TCOF1: variants seen among roughly 807,000 people sequenced by gnomAD.
TCOF1 encodes treacle ribosome biogenesis factor 1, also known as treacle protein.
A neutral mutation model predicts 149.0 loss-of-function variants in TCOF1; 33 were observed. The observed-to-expected ratio is 0.22, with a 90% confidence interval of 0.17 to 0.30. TCOF1 has a LOEUF of 0.30. Ranked by LOEUF, TCOF1 falls within the 10% of genes least tolerant of loss-of-function variation. The pLI is 1.00. For missense variants in TCOF1, 1,728 were observed against 1,840.7 expected (o/e 0.94, Z 1.12); for synonymous variants, 789 against 738.8 (o/e 1.07, Z -1.10).
intron 21 of TCOF1, 103 bp from the exon 22 acceptor site, chr5:150,392,602 G>A: frequency 1.8e-6 from 2 of 1,110,160 alleles, no homozygotes; most frequent in Non-Finnish European, 2.7e-6. Flanking sequence ...AGGGGATGGG[G>A]GTGAGGGACC....
Position 150,370,547 on chromosome 5 carries a change from G to A in TCOF1, c.639+945G>A, listed in dbSNP as rs556088002. ...ATTTTTGTATTTTTTGTGGAGACAG[G>A]GTTTCACCATGTTGGCCAGGCTAGT... On this transcript the variant is annotated intron_variant, in intron 6 of 26. Transcript: ENST00000643257. Among the ~76,000 whole-genome samples the A allele has an allele frequency of 2.2e-3, 328 of 152,114 alleles. 4 individuals carry two copies. Among genetic ancestry groups the A allele is most frequent in the Middle Eastern group, 0.01 (3 of 292 alleles).
chr5:150,393,363 C>T lies in TCOF1; in HGVS notation c.3604-9C>T, dbSNP rs957633116. The T allele has an allele frequency of 6.8e-6, 11 of 1,613,916 alleles. No homozygotes were observed. Among genetic ancestry groups the T allele is most frequent in the Non-Finnish European group, 9.3e-6 (11 of 1,179,960 alleles). On this transcript the variant is annotated splice_polypyrimidine_tract_variant and intron_variant, in intron 22 of 26. Coordinates refer to ENST00000643257, the MANE Select transcript of TCOF1 (RefSeq NM_001371623.1). ...TGGTGGCAGCCTCTTTCACAATGGG[C>T]TTCTTCAGTCTCTCCTCTCAGGTTA... is the stretch of plus-strand genomic sequence containing the variant.
At chr5:150,390,875 G>C (rs1767286871) in intron 19 of TCOF1, among the ~76,000 whole-genome samples, 1 of 152,186 alleles carries the variant, frequency 6.6e-6, no homozygotes, top group Non-Finnish European at 1.5e-5. Flanking sequence ...GGAGTGGTGA[G>C]GGGCAGCGAT....
chr5:150,393,651 C>A, intron 23 of TCOF1, 99 bp downstream of exon 23: 1 of 1,485,136 alleles, frequency 6.7e-7, no homozygotes, highest in Middle Eastern at 2.1e-4. Flanking sequence ...CCAACATGGT[C>A]CTGTCTGCCC....
chr5:150,392,919 C>G lies in TCOF1; in HGVS notation c.3603+129C>G, dbSNP rs1767738920. 3.4e-6 allele frequency: 4 copies of G among 1,167,454 alleles called. No individual in the cohort carries two copies. In the African/African-American group the frequency reaches 6.1e-5, roughly 18 times the overall value. 72.3% of individuals were successfully genotyped at this position (1,167,454 alleles called of 1,614,324 possible). ...TCTTCACAGAGGCCTTGGGCAAGGT[C>G]CTGTCTGCAAGGCACCACGTGTGGC... is the stretch of plus-strand genomic sequence containing the variant. On this transcript the variant is annotated intron_variant, in intron 22 of 26. Coordinates refer to ENST00000643257, the MANE Select transcript of TCOF1 (RefSeq NM_001371623.1).
Position 150,392,048 on chromosome 5 carries a change from T to A in TCOF1, c.3389T>A (p.Leu1130His). ...KGTNKLRKPK[L>H]PEVQQATKAP... ...ACCAACAAGCTCAGAAAACCTAAGC[T>A]TCCTGAGGTCCAGCAGGCCACCAAA... The change falls in exon 21 of 27, where the codon CTT (leucine) becomes CAT (histidine). Residue 1130 changes from leucine to histidine, a missense_variant. Leu to His is a moderately conservative substitution (Grantham distance 99, BLOSUM62 -3). Around this residue, in one of 2 missense-constraint regions of TCOF1, gnomAD observed 1,696 missense variants for 1,765.4 expected, o/e 0.96. Transcript: ENST00000643257. The A allele has an allele frequency of 6.2e-7, 1 of 1,614,236 alleles. No individual in the cohort carries two copies.
intron 22 of TCOF1, 49 bp downstream of exon 22, chr5:150,392,839 C>A: frequency 6.3e-7 from 1 of 1,597,612 alleles, no homozygotes; most frequent in Non-Finnish European, 8.5e-7. Context: ...AGGGTGGAGC[C>A]CCAGGCCAGG....
Position 150,396,608 on chromosome 5 carries a change from G to T in TCOF1, c.4111G>T (p.Gly1371Trp). The T allele has an allele frequency of 6.3e-7, 1 of 1,587,862 alleles. No individual in the cohort carries two copies. Among genetic ancestry groups the T allele is most frequent in the East Asian group, 2.3e-5 (1 of 43,850 alleles). ...RSKKKKKLGA[G>W]EGGEASVSPE... ...CAAGAAGAAGAAGAAGCTGGGGGCC[G>T]GGGAAGGTGGGGAGGCCTCTGTTTC... The change falls in exon 24 of 27, where the codon GGG (glycine) becomes TGG (tryptophan). Residue 1371 changes from glycine (G) to tryptophan (W), a missense_variant. Around this residue, in one of 2 missense-constraint regions of TCOF1, gnomAD observed 1,696 missense variants for 1,765.4 expected, o/e 0.96. Transcript: ENST00000643257.
intron 3 of TCOF1, among the ~76,000 whole-genome samples, chr5:150,365,371 C>T (rs919455375): frequency 1.3e-5 from 2 of 151,334 alleles, no homozygotes; most frequent in Non-Finnish European, 2.9e-5. Flanking sequence ...TGAGCCACTG[C>T]GCCCTGGATA....
intron 17 of TCOF1, among the ~76,000 whole-genome samples, chr5:150,382,164 CA>C (rs113606745): frequency 0.089 from 13,086 of 147,478 alleles, 660 homozygotes; most frequent in African/African-American, 0.14. Flanking sequence ...GACTCCATCT[CA>C]AAAAAAAAAG....
At chr5:150,361,360 C>T in intron 2 of TCOF1, 149 bp downstream of exon 2, 1 of 839,654 alleles carries the variant, frequency 1.2e-6, no homozygotes, top group Non-Finnish European at 2.0e-6. Flanking sequence ...GCTCACATCA[C>T]ATGGATGGGT....
Position 150,375,972 on chromosome 5 carries a change from G to A in TCOF1, c.1893+63G>A, listed in dbSNP as rs533877625. On this transcript the variant is annotated intron_variant, in intron 12 of 26. Transcript: ENST00000643257. ...CTGCCACACCACAGTCAGCACCCCC[G>A]GGGAGCTGTGCTCCCTCAGGCAGAG... The A allele has an allele frequency of 2.1e-5, 34 of 1,613,688 alleles. 1 individual carries two copies. In the South Asian group the frequency reaches 2.2e-4, roughly 10 times the overall value.
chr5:150,373,773 A>C (rs1482732388), intron 7 of TCOF1, among the ~76,000 whole-genome samples: 1 of 152,138 alleles, frequency 6.6e-6, no homozygotes, highest in Non-Finnish European at 1.5e-5. Context: ...CCCACAGCCC[A>C]GTCTGATGAT....
chr5:150,358,762 G>A (rs866104564), intron 1 of TCOF1, among the ~76,000 whole-genome samples: 5 of 152,120 alleles, frequency 3.3e-5, no homozygotes, highest in Middle Eastern at 3.2e-3. Context: ...GCTTGAACCC[G>A]GGAGGCAGAG....
chr5:150,370,368 CT>C (rs1041270024), intron 6 of TCOF1, among the ~76,000 whole-genome samples: 10 of 152,076 alleles, frequency 6.6e-5, no homozygotes, highest in Admixed American at 2.6e-4. Context: ...GAACATTGAT[CT>C]TTTTTTAAGA....
chr5:150,365,803 A>G (rs938681290), intron 3 of TCOF1, among the ~76,000 whole-genome samples: 7 of 151,958 alleles, frequency 4.6e-5, no homozygotes, highest in Non-Finnish European at 7.4e-5. Context: ...GCCTCCGGGT[A>G]TGTAATTTTA....
At position 150,392,017 on chromosome 5, in the gene TCOF1, A is replaced by G; in HGVS notation, c.3358A>G (p.Lys1120Glu). 2 of 1,614,236 alleles carry G rather than the reference A, an allele frequency of 1.2e-6. No individual in the cohort carries two copies. The highest frequency in any genetic ancestry group is 1.7e-6 in the Non-Finnish European group (2 of 1,180,044). The change falls in exon 21 of 27, where the codon AAA becomes GAA. Residue 1120 changes from lysine (K) to glutamate (E), a missense_variant. By Grantham distance (56) the Lys-to-Glu change is moderately conservative. This residue lies in a region of TCOF1 where 1,696 missense variants were observed against 1,765.4 expected (regional missense o/e 0.96). Coordinates refer to ENST00000643257, the MANE Select transcript of TCOF1 (RefSeq NM_001371623.1). ...TSPQSTSVQA[K>E]GTNKLRKPKL... Reference sequence around the variant, plus strand: ...TCCCCAGAGCACCTCCGTCCAGGCCAAAGGGACCAACAAGCTCAGAAAACC... The same window carrying G: ...TCCCCAGAGCACCTCCGTCCAGGCCGAAGGGACCAACAAGCTCAGAAAACC...
intron 17 of TCOF1, chr5:150,384,299 A>G: frequency 3.0e-6 from 3 of 988,806 alleles, no homozygotes; most frequent in Non-Finnish European, 3.6e-6. Flanking sequence ...AATCTCCACA[A>G]CAGCCCTATG....
At chr5:150,378,836 C>T in intron 14 of TCOF1, 69 bp from the exon 15 acceptor site, 4 of 1,610,368 alleles carry the variant, frequency 2.5e-6, no homozygotes, top group Non-Finnish European at 3.4e-6. Context: ...GCTCCAGAGT[C>T]TGTATTCTTG....
Sources: gnomAD v4.1 joint callset for allele counts (sites outside exome capture counted in the v4.1 genomes callset) on GRCh38, gnomAD v4.1.1 for gene constraint, gnomAD v4.1.1 regional missense constraint, MANE v1.5 for transcripts, NCBI Gene and HGNC (gene_info 2026-07-23, HGNC 2026-07-21) for gene names.